NAB1: variants seen among roughly 807,000 people sequenced by gnomAD.
The protein encoded by NAB1 is NGFI-A binding protein 1, also known as NGFI-A-binding protein 1.
Under a neutral mutation model 49.9 loss-of-function variants are expected in NAB1, and 25 were observed. That is an observed-to-expected ratio of 0.50 (90% CI 0.37 to 0.70). The LOEUF is 0.70. NAB1 is among the 30% of genes least tolerant of loss of function. The probability of loss-of-function intolerance (pLI) is 0.00; values close to 1 mark genes in which losing one functional copy is unlikely to be tolerated. For missense variants in NAB1, 489 were observed against 575.9 expected, an observed-to-expected ratio of 0.85 and a Z score of 1.54; for synonymous variants, 198 against 215.6, an observed-to-expected ratio of 0.92 and a Z score of 0.71.
intron 5 of NAB1, among the ~76,000 whole-genome samples, chr2:190,671,858 C>T (rs570037184): frequency 7.0e-6 from 1 of 143,862 alleles, no homozygotes; most frequent in African/African-American, 2.6e-5. Context: ...TCACTGCAAC[C>T]TCCACCTCCT....
chr2:190,687,402 A>C, intron 9 of NAB1, 85 bp downstream of exon 9: 5 of 537,238 alleles, frequency 9.3e-6, no homozygotes, highest in African/African-American at 2.0e-5. Context: ...CATCAAAAAA[A>C]AAAAAAAAAA....
rs144385613 is a variant in NAB1 at position 190,686,630 on chromosome 2, A to G, written c.1259-571A>G. Among the ~76,000 whole-genome samples the G allele has an allele frequency of 6.6e-6, 1 of 152,328 alleles. No individual in the cohort carries two copies. The highest frequency in any genetic ancestry group is 1.5e-5 in the Non-Finnish European group (1 of 68,022). On this transcript the variant is annotated intron_variant, in intron 8 of 9. Coordinates refer to ENST00000337386, the MANE Select transcript of NAB1 (RefSeq NM_005966.4). This position sits in a 1 kb window ranked among gnomAD's most constrained non-coding sequence, Gnocchi z 5.5. ...CCTTAACAGTTAAGAAGCAAAGGCA[A>G]TTATTAAAGATTTGGTGACTCTAAT... is the stretch of plus-strand genomic sequence containing the variant.
rs1052824078 is a variant in NAB1, at chr2:190,677,149, C to G, written c.1005+3997C>G. On this transcript the variant is annotated intron_variant, in intron 6 of 9. Transcript: ENST00000337386. This position sits in a 1 kb window ranked among gnomAD's most constrained non-coding sequence, Gnocchi z 5.6. Reference sequence around the variant, plus strand: ...GTCTGATTTTTCTACCTGGAAAGCTCTTATTTATGTAGTAGGTTGTTCCCC... The same window carrying G: ...GTCTGATTTTTCTACCTGGAAAGCTGTTATTTATGTAGTAGGTTGTTCCCC... The G allele has an allele frequency of 1.3e-5, 2 of 151,768 alleles. No individual in the cohort carries two copies. Among genetic ancestry groups the G allele is most frequent in the African/African-American group, 4.8e-5 (2 of 41,286 alleles). 9.4% of individuals were successfully genotyped at this position (151,768 alleles called of 1,614,324 possible).
Position 190,673,146 on chromosome 2 carries a change from A to C in NAB1, c.999A>C (p.Lys333Asn), listed in dbSNP as rs745712986. The change falls in exon 6 of 10, where the codon AAA becomes AAC. Residue 333 changes from lysine to asparagine, a missense_variant. Lys to Asn is a moderately conservative substitution (Grantham distance 94). Coordinates refer to ENST00000337386, the MANE Select transcript of NAB1 (RefSeq NM_005966.4). Reference protein sequence around the residue: ...ERDELSPKRIKVEDGFPDFQD... With the variant: ...ERDELSPKRINVEDGFPDFQD... ...ATGAATTATCCCCAAAGAGAATTAA[A>C]GTGGAGGTATGGTCATATGTTACAT... 14 of 1,611,490 alleles carry C rather than the reference A, an allele frequency of 8.7e-6. No homozygotes were observed. The highest frequency in any genetic ancestry group is 2.2e-5 in the East Asian group (1 of 44,774).
At position 190,652,406 on chromosome 2, in the gene NAB1, C is replaced by G. The variant is rs186851774; in HGVS notation, c.-197+2424C>G. On this transcript the variant is annotated intron_variant, in intron 2 of 9. Transcript: ENST00000337386. The surrounding 1 kb of genome is among the most constrained non-coding windows in gnomAD (Gnocchi z 4.2). ...TGGTTAAGAATTTCCAGCCATTGTA[C>G]GAAATGCTAGTATTTGCCTATTGTT... is the stretch of plus-strand genomic sequence containing the variant. Among the ~76,000 whole-genome samples the G allele has an allele frequency of 6.6e-6, 1 of 152,050 alleles. No individual in the cohort carries two copies. Among genetic ancestry groups the G allele is most frequent in the Non-Finnish European group, 1.5e-5 (1 of 68,022 alleles).
At chr2:190,655,873 A>G (rs1316561506) in intron 2 of NAB1, 104 bp from the exon 3 acceptor site, 1 of 152,252 alleles carries the variant, frequency 6.6e-6, no homozygotes, top group African/African-American at 2.4e-5. Context: ...TTTGGAACAA[A>G]TGATTACCGT....
Position 190,676,954 on chromosome 2 carries a change from A to C in NAB1, c.1005+3802A>C, listed in dbSNP as rs1695103735. Reference sequence around the variant, plus strand: ...TAAAATAACATCAAAATAATTTGACATGTAAAGGAAAGAGAAACATTTTTT... The same window carrying C: ...TAAAATAACATCAAAATAATTTGACCTGTAAAGGAAAGAGAAACATTTTTT... On this transcript the variant is annotated intron_variant, in intron 6 of 9. Coordinates refer to ENST00000337386, the MANE Select transcript of NAB1 (RefSeq NM_005966.4). The surrounding 1 kb of genome is among the most constrained non-coding windows in gnomAD (Gnocchi z 4.6). The C allele has an allele frequency of 6.6e-6, 1 of 152,244 alleles. No individual in the cohort carries two copies. Among genetic ancestry groups the C allele is most frequent in the Non-Finnish European group, 1.5e-5 (1 of 68,040 alleles). 9.4% of individuals were successfully genotyped at this position (152,244 alleles called of 1,614,324 possible).
chr2:190,660,222 T>C (rs1233898305), intron 4 of NAB1, among the ~76,000 whole-genome samples: 2 of 145,626 alleles, frequency 1.4e-5, no homozygotes, highest in African/African-American at 5.0e-5. Flanking sequence ...GGAACTACAG[T>C]ACGAGGTGAC....
Position 190,659,955 on chromosome 2 carries a change from A to T in NAB1, c.779A>T (p.Asp260Val). The T allele has an allele frequency of 6.2e-7, 1 of 1,613,860 alleles. No homozygotes were observed. The highest frequency in any genetic ancestry group is 1.1e-5 in the South Asian group (1 of 91,072). Residue 260 changes from aspartate (D) to valine (V), a missense_variant, in exon 4 of 10, where the codon GAC becomes GTC. Asp to Val is a radical substitution (Grantham distance 152). Around this residue, in one of 4 missense-constraint regions of NAB1, gnomAD observed 38 missense variants for 70.1 expected, o/e 0.54. Coordinates refer to ENST00000337386, the MANE Select transcript of NAB1 (RefSeq NM_005966.4). This position sits in a 1 kb window ranked among gnomAD's most constrained non-coding sequence, Gnocchi z 6.2. ...TACAGTGCAATATATGGCAGATTTG[A>T]CTCAAAGAGGAAGGATGGGAAACAT... ...RKYSAIYGRF[D>V]SKRKDGKHLT...
intron 5 of NAB1, among the ~76,000 whole-genome samples, chr2:190,671,327 C>T (rs4368360): frequency 1.3e-5 from 2 of 152,102 alleles, no homozygotes; most frequent in East Asian, 3.8e-4. Flanking sequence ...AAAACCAGCA[C>T]TATAGGCATT....
chr2:190,674,811 G>A lies in NAB1; in HGVS notation c.1005+1659G>A, dbSNP rs894441220. 1.3e-5 allele frequency among the ~76,000 whole-genome samples: 2 copies of A among 152,202 alleles called. No homozygotes were observed. The highest frequency in any genetic ancestry group is 4.8e-5 in the African/African-American group (2 of 41,464). ...CACACCTATAATCCCAACACTTCGG[G>A]AGGCCAAGACAGAAGGATTGCTTGA... On this transcript the variant is annotated intron_variant, in intron 6 of 9. Coordinates refer to ENST00000337386, the MANE Select transcript of NAB1 (RefSeq NM_005966.4). This position sits in a 1 kb window ranked among gnomAD's most constrained non-coding sequence, Gnocchi z 5.7.
rs1559222833 is a variant in NAB1, at chr2:190,654,214, CAGG to C, written c.-196-1762_-196-1760del. ...CAGTGACTTGTTCTGCAGAGCCAGG[CAGG>C]TTGCCTTCCTTGTGCCATGACTCCT... On this transcript the variant is annotated intron_variant, in intron 2 of 9. Coordinates refer to ENST00000337386, the MANE Select transcript of NAB1 (RefSeq NM_005966.4). This position sits in a 1 kb window ranked among gnomAD's most constrained non-coding sequence, Gnocchi z 5.6. Among the ~76,000 whole-genome samples, 6 of 152,198 alleles carry C rather than the reference CAGG, an allele frequency of 3.9e-5. No homozygotes were observed. Among genetic ancestry groups the C allele is most frequent in the Non-Finnish European group, 8.8e-5 (6 of 68,016 alleles).
chr2:190,650,194 C>G (rs1201945681), intron 2 of NAB1, among the ~76,000 whole-genome samples: 1 of 152,130 alleles, frequency 6.6e-6, no homozygotes, highest in Non-Finnish European at 1.5e-5. Context: ...CGGGAGGAAT[C>G]GTAGACTTGC....
chr2:190,657,972 A>T lies in NAB1; in HGVS notation c.-19-1186A>T, dbSNP rs1458338805. On this transcript the variant is annotated intron_variant, in intron 3 of 9. Coordinates refer to ENST00000337386, the MANE Select transcript of NAB1 (RefSeq NM_005966.4). This position sits in a 1 kb window ranked among gnomAD's most constrained non-coding sequence, Gnocchi z 4.4. ...TAATCCTAAGGGTGCATTTGATTACAACAAGTTTATTTGTTTCTCTTAAAT... is the reference window on the plus strand; with the variant it reads ...TAATCCTAAGGGTGCATTTGATTACTACAAGTTTATTTGTTTCTCTTAAAT... Among the ~76,000 whole-genome samples, 5 of 152,176 alleles carry T rather than the reference A, an allele frequency of 3.3e-5. No individual in the cohort carries two copies. In the East Asian group the frequency reaches 9.6e-4, roughly 29 times the overall value.
Position 190,664,586 on chromosome 2 carries a change from CTTTTTTTTTTTTTTTTT to C in NAB1, c.819+4603_819+4619del, listed in dbSNP as rs71027237. Among the ~76,000 whole-genome samples the C allele has an allele frequency of 4.6e-3, 284 of 61,160 alleles. 5 individuals carry two copies. Among genetic ancestry groups the C allele is most frequent in the African/African-American group, 0.017 (264 of 15,262 alleles). 40.1% of individuals were successfully genotyped at this position (61,160 alleles called of 152,430 possible). On this transcript the variant is annotated intron_variant, in intron 4 of 9. Coordinates refer to ENST00000337386, the MANE Select transcript of NAB1 (RefSeq NM_005966.4). The stretch of plus-strand genomic sequence containing the variant: ...TCTTCCTCTCTTTCTTTCTTCTTTC[CTTTTTTTTTTTTTTTTT>C]TTTTTTTTTTTGTAGGGACAGGGTT...
upstream of NAB1, chr2:190,649,023 G>A (rs1374713244): frequency 6.8e-6 from 1 of 146,500 alleles, no homozygotes; most frequent in Admixed American, 6.8e-5. This position sits in a 1 kb window ranked among gnomAD's most constrained non-coding sequence, Gnocchi z 6.1. Flanking sequence ...GGAGGGTGTA[G>A]CGCGCGCGGG....
At chr2:190,671,611 T>A (rs140582396) in intron 5 of NAB1, among the ~76,000 whole-genome samples, 1 of 152,236 alleles carries the variant, frequency 6.6e-6, no homozygotes, top group East Asian at 1.9e-4. Context: ...ATCAAAGTGA[T>A]ACATGTCCAC....
At chr2:190,681,426 T>TAACTA (rs58381017) in intron 6 of NAB1, among the ~76,000 whole-genome samples, 1 of 152,106 alleles carries the variant, frequency 6.6e-6, no homozygotes, top group Non-Finnish European at 1.5e-5. Context: ...TCAGTCTAAA[T>TAACTA]AGAAAACTTA....
At chr2:190,673,937 C>CTTTTTGTT (rs143222041) in intron 6 of NAB1, among the ~76,000 whole-genome samples, 6,343 of 152,206 alleles carry the variant, frequency 0.042, 180 homozygotes, top group Non-Finnish European at 0.068. Flanking sequence ...TCCTTCCTTT[C>CTTTTTGTT]TTTTTGTTTT....
Sources: gnomAD v4.1 joint callset for allele counts (sites outside exome capture counted in the v4.1 genomes callset) on GRCh38, gnomAD v4.1.1 for gene constraint, gnomAD v4.1.1 regional missense constraint, Gnocchi (gnomAD v3.1) non-coding constraint, MANE v1.5 for transcripts, NCBI Gene and HGNC (gene_info 2026-07-23, HGNC 2026-07-21) for gene names.